The following MAP3K15 variants were observed in gnomAD, a reference collection of about 807,000 sequenced individuals.
MAP3K15 encodes MAPK/ERK kinase kinase 15.
In MAP3K15, 124 loss-of-function variants were observed where a neutral mutation model predicts 99.5. The ratio of observed to expected loss-of-function variants is 1.25; its 90% CI spans 1.08 to 1.45. The LOEUF is 1.45. Among genes scored for constraint, MAP3K15 ranks in the 40% most tolerant of loss-of-function variants. The pLI is 0.00. For missense variants in MAP3K15, 1,242 were observed against 1,079.7 expected, an observed-to-expected ratio of 1.15 and a Z score of -2.11; for synonymous variants, 494 against 439.6, an observed-to-expected ratio of 1.12 and a Z score of -1.55.
intron 15 of MAP3K15, 135 bp downstream of exon 15, chrX:19,398,091 C>T: frequency 1.4e-6 from 1 of 715,842 alleles, no homozygotes; most frequent in Non-Finnish European, 2.0e-6. Flanking sequence ...AAAGATCACC[C>T]CTATTACAAG....
At position 19,373,535 on chromosome X, in the gene MAP3K15, C is replaced by T; in HGVS notation, c.2933+1G>A. 1 of 1,168,877 alleles carries T rather than the reference C, an allele frequency of 8.6e-7. No homozygotes were observed. The highest frequency in any genetic ancestry group is 1.1e-6 in the Non-Finnish European group (1 of 873,612). The stretch of plus-strand genomic sequence containing the variant: ...GGCAGACAGACAGAATACGGGTGTA[C>T]CTGAGGAGGTGGCCAAGGTGGTGCC... On this transcript the variant is annotated splice_donor_variant, in intron 21 of 28. Transcript: ENST00000338883. LOFTEE classifies it high-confidence loss of function.
At chrX:19,413,290 C>A in intron 11 of MAP3K15, 67 bp downstream of exon 11, 1 of 837,426 alleles carries the variant, frequency 1.2e-6, no homozygotes, top group Admixed American at 2.8e-5. Flanking sequence ...CCTTTTCCTT[C>A]AAATACTACC....
intron 3 of MAP3K15, among the ~76,000 whole-genome samples, chrX:19,470,407 G>T (rs140726329): frequency 0.015 from 1,689 of 110,247 alleles, 41 homozygotes; most frequent in African/African-American, 0.052. Context: ...GTTGTGGGGT[G>T]GGGGGAGCAG....
At position 19,400,660 on chromosome X, in the gene MAP3K15, A is replaced by G; in HGVS notation, c.1848T>C (p.Phe616=). 1 of 1,192,207 alleles carries G rather than the reference A, an allele frequency of 8.4e-7. No individual in the cohort carries two copies. Among genetic ancestry groups the G allele is most frequent in the Non-Finnish European group, 1.1e-6 (1 of 879,917 alleles). ...TTATCATCTCTTTGACCAAAGAGAA[A>G]AATCTAGAACAGCAAGTGTCACAAA... ...YFSTEEQCSR[F]FSLVKEMITN... is the part of the protein sequence containing the mutation. Residue 616 remains phenylalanine (F), a synonymous_variant, in exon 14 of 29, where the codon TTT becomes TTC. Coordinates refer to ENST00000338883, the MANE Select transcript of MAP3K15 (RefSeq NM_001001671.4).
rs142269459 is a variant in MAP3K15, at chrX:19,411,372, G to A, written c.1699-1399C>T. ...ACAACAGGAACAGACTGGGAAGATG[G>A]TTTCCGATGGGAGAAGTTTTAGTCA... On this transcript the variant is annotated intron_variant, in intron 11 of 28. Transcript: ENST00000338883. 1.0e-3 allele frequency among the ~76,000 whole-genome samples: 116 copies of A among 111,963 alleles called. No homozygotes were observed. In the East Asian group the frequency reaches 0.025, roughly 24 times the overall value.
intron 6 of MAP3K15, among the ~76,000 whole-genome samples, chrX:19,436,402 G>A (rs73637649): frequency 0.016 from 1,785 of 110,239 alleles, 39 homozygotes; most frequent in African/African-American, 0.056. Flanking sequence ...CACCACACTC[G>A]CCCGATTTTC....
In MAP3K15 at chrX:19,360,072, A is replaced by C; in HGVS notation, c.*677T>G. On this transcript the variant is annotated 3_prime_UTR_variant, in exon 29 of 29. Transcript: ENST00000338883. ...TGACCATTTCTCTACAAGATACAATATTTATTATCAGGCAAGAGGACAGTT... is the reference window on the plus strand; with the variant it reads ...TGACCATTTCTCTACAAGATACAATCTTTATTATCAGGCAAGAGGACAGTT... 1 of 188,510 alleles carries C rather than the reference A, an allele frequency of 5.3e-6. No individual in the cohort carries two copies. Among genetic ancestry groups the C allele is most frequent in the Non-Finnish European group, 9.9e-6 (1 of 101,427 alleles). The allele number at this position is 188,510 out of a possible 1,213,427, so 15.5% of individuals were successfully genotyped here. A position where few individuals can be genotyped will look rare whatever the true frequency, so the allele number is the denominator to read the frequency against.
At chrX:19,437,924 A>G (rs1428605012) in intron 6 of MAP3K15, among the ~76,000 whole-genome samples, 1 of 112,120 alleles carries the variant, frequency 8.9e-6, no homozygotes, top group African/African-American at 3.2e-5. Context: ...ACTCTGCAGT[A>G]TGACATATTT....
At chrX:19,452,943 T>C (rs1403766443) in intron 6 of MAP3K15, among the ~76,000 whole-genome samples, 1 of 110,716 alleles carries the variant, frequency 9.0e-6, no homozygotes, top group Non-Finnish European at 1.9e-5. Context: ...AGCCAAAAGA[T>C]TGGACAGTAG....
At chrX:19,367,723 A>ACTTTTT (rs2063344451) in intron 25 of MAP3K15, among the ~76,000 whole-genome samples, 2 of 24,107 alleles carry the variant, frequency 8.3e-5, no homozygotes, top group Admixed American at 5.4e-4. Context: ...ATAACTATGG[A>ACTTTTT]TTTTTTTTTT....
intron 4 of MAP3K15, 32 bp downstream of exon 4, chrX:19,464,181 T>A (rs779284273): frequency 8.7e-7 from 1 of 1,144,852 alleles, no homozygotes; most frequent in East Asian, 3.0e-5. Context: ...TTGGTGAGTC[T>A]CCAGGGGTTA....
chrX:19,435,919 C>T (rs2063917801), intron 6 of MAP3K15, among the ~76,000 whole-genome samples: 1 of 111,872 alleles, frequency 8.9e-6, no homozygotes, highest in African/African-American at 3.3e-5. Context: ...TTTGGGAGGC[C>T]AAGGCGGGCA....
chrX:19,427,679 A>G (rs1468937883), intron 7 of MAP3K15, among the ~76,000 whole-genome samples: 1 of 112,024 alleles, frequency 8.9e-6, no homozygotes, highest in Non-Finnish European at 1.9e-5. Flanking sequence ...AAAGAACTCA[A>G]TGAAGTAATG....
chrX:19,408,172 C>T (rs557069326), intron 12 of MAP3K15, among the ~76,000 whole-genome samples: 2 of 111,338 alleles, frequency 1.8e-5, no homozygotes, highest in East Asian at 5.6e-4. Context: ...CTCTGGAACG[C>T]TCAAAGTATA....
intron 7 of MAP3K15, among the ~76,000 whole-genome samples, chrX:19,426,818 CAAAAAA>C (rs746106862): frequency 1.9e-4 from 4 of 21,148 alleles, no homozygotes; most frequent in African/African-American, 4.1e-4. Context: ...AATCTGTCTC[CAAAAAA>C]AAAAAAAAAA....
intron 6 of MAP3K15, among the ~76,000 whole-genome samples, chrX:19,432,676 G>A (rs1317951167): frequency 9.1e-6 from 1 of 110,006 alleles, no homozygotes; most frequent in Non-Finnish European, 1.9e-5. Flanking sequence ...TTCATTTTTA[G>A]GTATGATAAT....
At chrX:19,369,972 G>A (rs1446875349) in intron 24 of MAP3K15, among the ~76,000 whole-genome samples, 1 of 111,246 alleles carries the variant, frequency 9.0e-6, no homozygotes, top group African/African-American at 3.3e-5. Flanking sequence ...AGCCTGTGCC[G>A]TTTTACTACA....
At chrX:19,507,915 T>C (rs2064490673) in intron 1 of MAP3K15, among the ~76,000 whole-genome samples, 1 of 112,443 alleles carries the variant, frequency 8.9e-6, no homozygotes, top group Non-Finnish European at 1.9e-5. Context: ...CTGCCTGGGC[T>C]GGAGTGCAAT....
chrX:19,443,063 C>T (rs1280925614), intron 6 of MAP3K15, among the ~76,000 whole-genome samples: 11 of 61,355 alleles, frequency 1.8e-4, no homozygotes, highest in Non-Finnish European at 2.8e-4. Context: ...GATGGAGTCT[C>T]GCTCTGTCGC....
Sources: gnomAD v4.1 joint callset for allele counts (sites outside exome capture counted in the v4.1 genomes callset) on GRCh38, gnomAD v4.1.1 for gene constraint, MANE v1.5 for transcripts, NCBI Gene and HGNC (gene_info 2026-07-23, HGNC 2026-07-21) for gene names.